PDE10A: variants seen among roughly 807,000 people sequenced by gnomAD.
PDE10A encodes the protein phosphodiesterase 10A.
PDE10A carries 39 observed loss-of-function variants against 97.7 expected under a neutral mutation model. That is an observed-to-expected ratio of 0.40 (90% CI 0.31 to 0.52). The LOEUF (loss-of-function observed/expected upper bound fraction) is 0.52. Among genes scored for constraint, PDE10A ranks in the 20% least tolerant of loss-of-function variants. PDE10A has a pLI of 0.56. For missense variants in PDE10A, 731 were observed against 1,047.8 expected (o/e 0.70, Z 4.17); for synonymous variants, 371 against 376.8 (o/e 0.98, Z 0.18).
rs1183484441 is a variant in PDE10A, at chr6:165,430,229, G to A, written c.1601+58C>T. On this transcript the variant is annotated intron_variant, in intron 9 of 21. Coordinates refer to ENST00000539869, the MANE Select transcript of PDE10A (RefSeq NM_001385079.1). ...CAATGGTCTATTTCTGCCACAGGCT[G>A]CCCTTAATTTAAACCATTGATTAAT... 16 of 1,204,322 alleles carry A rather than the reference G, an allele frequency of 1.3e-5. No homozygotes were observed. In the South Asian group the frequency reaches 1.8e-4, roughly 14 times the overall value. The allele number at this position is 1,204,322 out of a possible 1,614,324, so 74.6% of individuals were successfully genotyped here. A position where few individuals can be genotyped will look rare whatever the true frequency, so the allele number is the denominator to read the frequency against.
chr6:165,823,505 T>A (rs1562754408), intron 1 of PDE10A, among the ~76,000 whole-genome samples: 2 of 98,022 alleles, frequency 2.0e-5, no homozygotes, highest in Non-Finnish European at 4.8e-5. Context: ...TATATATATA[T>A]ATATATATAT....
intron 1 of PDE10A, among the ~76,000 whole-genome samples, chr6:165,796,094 T>TTC (rs796483606): frequency 1.0e-4 from 9 of 85,854 alleles, no homozygotes; most frequent in Admixed American, 2.4e-4. Flanking sequence ...TTCTTTTCTT[T>TTC]TTTTTTTTTT....
intron 1 of PDE10A, among the ~76,000 whole-genome samples, chr6:165,806,650 C>G (rs1583120343): frequency 1.8e-5 from 1 of 56,754 alleles, no homozygotes; most frequent in South Asian, 7.8e-4. Context: ...CTGCTGAGCG[C>G]CCCCCCCCAG....
Position 165,413,350 on chromosome 6 carries a change from T to A in PDE10A, c.2076+151A>T, listed in dbSNP as rs1583233512. ...TCCTTCCAGGGCATTTTATGACATT[T>A]TCTAAAACATGTACAATCAGGAATC... On this transcript the variant is annotated intron_variant, in intron 13 of 21. Transcript: ENST00000539869. The A allele has an allele frequency of 1.0e-5, 6 of 575,920 alleles. No individual in the cohort carries two copies. The East Asian group carries it at 1.7e-4, about 16-fold the overall frequency. The allele number at this position is 575,920 out of a possible 1,614,324, so 35.7% of individuals were successfully genotyped here. A position where few individuals can be genotyped will look rare whatever the true frequency, so the allele number is the denominator to read the frequency against.
Position 165,661,867 on chromosome 6 carries a change from C to T in PDE10A, c.865+80G>A, listed in dbSNP as rs1337249014. 4 of 691,102 alleles carry T rather than the reference C, an allele frequency of 5.8e-6. No individual in the cohort carries two copies. Among genetic ancestry groups the T allele is most frequent in the Non-Finnish European group, 1.0e-5 (4 of 388,012 alleles). The allele number at this position is 691,102 out of a possible 1,614,324, so 42.8% of individuals were successfully genotyped here. On this transcript the variant is annotated intron_variant, in intron 1 of 21. Coordinates refer to ENST00000539869, the MANE Select transcript of PDE10A (RefSeq NM_001385079.1). This position sits in a 1 kb window ranked among gnomAD's most constrained non-coding sequence, Gnocchi z 4.8. ...ACCTCGCTCGACACCCGCTTCCCAC[C>T]CAGCAGTCCAAGCCCCCCACCTGCC... is the stretch of plus-strand genomic sequence containing the variant.
intron 1 of PDE10A, among the ~76,000 whole-genome samples, chr6:165,779,089 A>T (rs899004335): frequency 1.3e-5 from 2 of 152,208 alleles, no homozygotes; most frequent in African/African-American, 4.8e-5. Context: ...ATGTTATTTC[A>T]TTCCCAGAAT....
intron 10 of PDE10A, among the ~76,000 whole-genome samples, chr6:165,426,028 T>C (rs75744144): frequency 0.03 from 4,535 of 152,016 alleles, 228 homozygotes; most frequent in African/African-American, 0.1. Flanking sequence ...CAAAACACCA[T>C]TGAAAAAAAT....
chr6:165,391,134 G>T (rs1000251558), intron 16 of PDE10A, among the ~76,000 whole-genome samples: 8 of 152,206 alleles, frequency 5.3e-5, no homozygotes, highest in African/African-American at 1.7e-4. Context: ...AATGTATAAA[G>T]AATCACCCTT....
intron 1 of PDE10A, among the ~76,000 whole-genome samples, chr6:165,786,664 A>G (rs1778506307): frequency 6.6e-6 from 1 of 152,136 alleles, no homozygotes; most frequent in Non-Finnish European, 1.5e-5. Flanking sequence ...GTGTTCCCTG[A>G]TTTCCACGAT....
intron 2 of PDE10A, among the ~76,000 whole-genome samples, chr6:165,501,202 T>A (rs370327671): frequency 8.5e-5 from 13 of 152,258 alleles, no homozygotes; most frequent in African/African-American, 2.6e-4. Flanking sequence ...TCATCCCACC[T>A]GACAAGAAAC....
chr6:165,953,132 G>A (rs1784019592), intron 1 of PDE10A, among the ~76,000 whole-genome samples: 1 of 152,082 alleles, frequency 6.6e-6, no homozygotes, highest in African/African-American at 2.4e-5. Context: ...TCTATGACTT[G>A]GGCCCTCAGT....
At chr6:165,701,722 CGCGTGTGT>C (rs1791578480) in intron 1 of PDE10A, among the ~76,000 whole-genome samples, 2 of 149,560 alleles carry the variant, frequency 1.3e-5, no homozygotes, top group Non-Finnish European at 3.0e-5. Context: ...TGTGTGTTTG[CGCGTGTGT>C]GCATGTGTGT....
At chr6:165,865,100 C>T (rs373314701) in intron 1 of PDE10A, among the ~76,000 whole-genome samples, 2 of 152,198 alleles carry the variant, frequency 1.3e-5, no homozygotes, top group African/African-American at 4.8e-5. Context: ...ATTGACGCAC[C>T]TGGCATTCCT....
intron 6 of PDE10A, among the ~76,000 whole-genome samples, chr6:165,433,878 G>T (rs532354318): frequency 4.0e-4 from 60 of 151,794 alleles, no homozygotes; most frequent in African/African-American, 1.4e-3. Flanking sequence ...TTAGCCGGGC[G>T]CGGTGGCAGG....
At chr6:165,507,382 G>A (rs773779396) in intron 2 of PDE10A, among the ~76,000 whole-genome samples, 9 of 152,026 alleles carry the variant, frequency 5.9e-5, no homozygotes, top group Non-Finnish European at 1.2e-4. Context: ...CTACTCCTTA[G>A]TTCTGTCGTG....
chr6:165,716,670 A>G lies in PDE10A; in HGVS notation c.-614-173102T>C, dbSNP rs981131463. On this transcript the variant is annotated intron_variant, in intron 1 of 19. Coordinates refer to the PDE10A transcript ENST00000366882. The stretch of plus-strand genomic sequence containing the variant: ...AGAACTTTATTTTCCCCCCACATTT[A>G]GGAAAAAGGGGTCATGGGTGTGGAT... 3.3e-5 allele frequency among the ~76,000 whole-genome samples: 5 copies of G among 152,192 alleles called. No homozygotes were observed. In the South Asian group the frequency reaches 8.3e-4, roughly 25 times the overall value.
At chr6:165,792,805 T>G (rs1218511835) in intron 1 of PDE10A, among the ~76,000 whole-genome samples, 23 of 152,190 alleles carry the variant, frequency 1.5e-4, no homozygotes, top group Admixed American at 1.5e-3. Context: ...TTGTAAGTGA[T>G]TGTTGTGGCA....
intron 1 of PDE10A, among the ~76,000 whole-genome samples, chr6:165,817,373 C>T (rs570101537): frequency 7.9e-5 from 12 of 152,198 alleles, no homozygotes; most frequent in African/African-American, 2.4e-4. Flanking sequence ...AGGGGAGGGC[C>T]GCAGGGTCGG....
In PDE10A at chr6:165,392,673, G is replaced by T. The variant is rs757846138; in HGVS notation, c.2427C>A (p.Asn809Lys). 5.0e-6 allele frequency: 8 copies of T among 1,613,990 alleles called. No homozygotes were observed. The highest frequency in any genetic ancestry group is 1.1e-5 in the South Asian group (1 of 91,080). ...CAAGGTCTGTGAAAAGCGTGTGATT[G>T]TTCTGAAGTATGGCATACATGCAGT... ...VAHCMYAILQNNHTLFTDLER... is the reference protein window; with the variant it reads ...VAHCMYAILQKNHTLFTDLER... The change falls in exon 16 of 22, where the codon AAC becomes AAA. Residue 809 changes from asparagine to lysine, a missense_variant. By Grantham distance (94) the Asn-to-Lys change is moderately conservative. This residue lies in a region of PDE10A where 131 missense variants were observed against 187.4 expected (regional missense o/e 0.70). Coordinates refer to ENST00000539869, the MANE Select transcript of PDE10A (RefSeq NM_001385079.1).
Sources: gnomAD v4.1 joint callset for allele counts (sites outside exome capture counted in the v4.1 genomes callset) on GRCh38, gnomAD v4.1.1 for gene constraint, gnomAD v4.1.1 regional missense constraint, Gnocchi (gnomAD v3.1) non-coding constraint, MANE v1.5 for transcripts, NCBI Gene and HGNC (gene_info 2026-07-23, HGNC 2026-07-21) for gene names.